Variants in DLG2 observed in about 807,000 individuals in gnomAD.
DLG2 encodes the protein discs large MAGUK scaffold protein 2, also known as disks large homolog 2.
DLG2 carries 45 observed loss-of-function variants against 132.5 expected under a neutral mutation model. The ratio of observed to expected loss-of-function variants is 0.34; its 90% confidence interval spans 0.27 to 0.44. DLG2 has a LOEUF of 0.44. Among genes scored for constraint, DLG2 ranks in the 20% least tolerant of loss-of-function variants. The pLI is 1.00. For missense variants in DLG2, 1,045 were observed against 1,196.9 expected (o/e 0.87, Z 1.87); for synonymous variants, 424 against 419.6 (o/e 1.01, Z -0.13).
chr11:84,184,398 C>A lies in DLG2; in HGVS notation c.574-20887G>T, dbSNP rs1015569706. Among the ~76,000 whole-genome samples, 9 of 151,810 alleles carry A rather than the reference C, an allele frequency of 5.9e-5. No individual in the cohort carries two copies. In the South Asian group the frequency reaches 8.3e-4, roughly 14 times the overall value. On this transcript the variant is annotated intron_variant, in intron 8 of 27. Transcript: ENST00000376104. ...TCTTTTGAGAAGTGTCTGTTCATAT[C>A]CTTCGCCCACTTTTTGATGAGTTTT... is the stretch of plus-strand genomic sequence containing the variant.
chr11:85,451,996 T>C (rs559304254), intron 3 of DLG2, among the ~76,000 whole-genome samples: 2 of 152,292 alleles, frequency 1.3e-5, no homozygotes, highest in African/African-American at 2.4e-5. Flanking sequence ...TATAATACTG[T>C]ATTTTCCAAT....
At chr11:85,355,170 A>G (rs926093010) in intron 3 of DLG2, among the ~76,000 whole-genome samples, 2 of 152,190 alleles carry the variant, frequency 1.3e-5, no homozygotes, top group African/African-American at 4.8e-5. Context: ...AAGATGATCA[A>G]TTGATCAGTT....
At chr11:83,877,524 T>A (rs1411703409) in intron 15 of DLG2, among the ~76,000 whole-genome samples, 1 of 152,166 alleles carries the variant, frequency 6.6e-6, no homozygotes, top group Non-Finnish European at 1.5e-5. Flanking sequence ...TATAACTAAT[T>A]ATTTTGTTAT....
At chr11:84,699,710 A>C (rs201043096) in intron 6 of DLG2, among the ~76,000 whole-genome samples, 1 of 151,672 alleles carries the variant, frequency 6.6e-6, no homozygotes, top group Admixed American at 6.6e-5. Flanking sequence ...TGGGCTGGGT[A>C]CTGACTCTGC....
At chr11:84,859,955 C>T (rs1365859422) in intron 6 of DLG2, among the ~76,000 whole-genome samples, 1 of 152,114 alleles carries the variant, frequency 6.6e-6, no homozygotes, top group East Asian at 1.9e-4. Flanking sequence ...ACAAAGCCTT[C>T]TGTATGCTTC....
chr11:85,102,499 T>A (rs2071039379), intron 6 of DLG2, among the ~76,000 whole-genome samples: 1 of 151,976 alleles, frequency 6.6e-6, no homozygotes, highest in Non-Finnish European at 1.5e-5. Context: ...GGCTTCTTAA[T>A]ATTCTCAATA....
intron 7 of DLG2, among the ~76,000 whole-genome samples, chr11:84,407,758 TA>T (rs1404396582): frequency 1.3e-5 from 2 of 152,156 alleles, no homozygotes; most frequent in Non-Finnish European, 2.9e-5. Flanking sequence ...ACTCAAAAGG[TA>T]AAGTGACTTT....
intron 10 of DLG2, among the ~76,000 whole-genome samples, chr11:84,092,326 A>C (rs1483220068): frequency 6.6e-6 from 1 of 152,212 alleles, no homozygotes; most frequent in Non-Finnish European, 1.5e-5. Context: ...ACAGAGTTGT[A>C]TTGCAGGCCT....
intron 7 of DLG2, among the ~76,000 whole-genome samples, chr11:84,379,757 G>A (rs1378217442): frequency 6.6e-6 from 1 of 150,704 alleles, no homozygotes; most frequent in Admixed American, 6.6e-5. Flanking sequence ...TTCAGTAATG[G>A]AAAATAGGAA....
Position 84,544,885 on chromosome 11 carries a change from A to G in DLG2, c.358-10154T>C, listed in dbSNP as rs903922692. On this transcript the variant is annotated intron_variant, in intron 6 of 27. Coordinates refer to ENST00000376104, the MANE Select transcript of DLG2 (RefSeq NM_001142699.3). ...CTAAAAGTGAATTTTTCACACAGCA[A>G]AAAGTCTTTGGTGGAATGCTCTTCA... Among the ~76,000 whole-genome samples, 14 of 152,212 alleles carry G rather than the reference A, an allele frequency of 9.2e-5. No individual in the cohort carries two copies. The South Asian group carries it at 2.9e-3, about 31-fold the overall frequency.
Position 83,980,561 on chromosome 11 carries a change from T to C in DLG2, c.1001A>G (p.Asp334Gly), listed in dbSNP as rs775904522. 68 of 1,613,742 alleles carry C rather than the reference T, an allele frequency of 4.2e-5. No individual in the cohort carries two copies. Among genetic ancestry groups the C allele is most frequent in the Non-Finnish European group, 5.9e-6 (7 of 1,179,852 alleles). The change falls in exon 12 of 28, where the codon GAT becomes GGT. Residue 334 changes from aspartate to glycine, a missense_variant. By Grantham distance (94) the Asp-to-Gly change is moderately conservative (BLOSUM62 -1). Around this residue, in one of 4 missense-constraint regions of DLG2, gnomAD observed 261 missense variants for 256.1 expected, o/e 1.02. Coordinates refer to ENST00000376104, the MANE Select transcript of DLG2 (RefSeq NM_001142699.3). ...TCCATCTTTTTGTGCAGCTCCTCCA[T>C]CTATAATTTTAGTTACATAAATGCT... ...DNSIYVTKIIDGGAAQKDGRL... is the reference protein window; with the variant it reads ...DNSIYVTKIIGGGAAQKDGRL...
chr11:84,656,942 A>C (rs1303161783), intron 6 of DLG2, among the ~76,000 whole-genome samples: 1 of 152,094 alleles, frequency 6.6e-6, no homozygotes. Context: ...GTTTGTAATA[A>C]TTGCTATTTA....
intron 7 of DLG2, among the ~76,000 whole-genome samples, chr11:84,281,190 C>T (rs2097851268): frequency 2.0e-5 from 3 of 152,030 alleles, no homozygotes; most frequent in Non-Finnish European, 2.9e-5. Context: ...AGATGTAAAA[C>T]CTAAATAAAG....
intron 3 of DLG2, among the ~76,000 whole-genome samples, chr11:85,439,541 A>C (rs945405339): frequency 9.9e-5 from 15 of 151,938 alleles, no homozygotes; most frequent in Admixed American, 7.9e-4. Context: ...TTGTATTTTT[A>C]GTAGAGACGG....
chr11:85,203,730 C>G (rs1228411338), intron 4 of DLG2, among the ~76,000 whole-genome samples: 1 of 152,010 alleles, frequency 6.6e-6, no homozygotes, highest in African/African-American at 2.4e-5. Context: ...GACAAGGACA[C>G]AGCACCTAAG....
rs2093258374 is a variant in DLG2, at chr11:83,985,976, TA to T, written c.920-5335del. Among the ~76,000 whole-genome samples the T allele has an allele frequency of 2.0e-5, 3 of 152,240 alleles. No homozygotes were observed. The South Asian group carries it at 6.2e-4, about 32-fold the overall frequency. ...CAAATTTATATTCCCATCAACAGTG[TA>T]AAAGCATTCCTTTTTCTCCACAACC... On this transcript the variant is annotated intron_variant, in intron 11 of 27. Transcript: ENST00000376104.
chr11:85,222,794 T>C lies in DLG2; in HGVS notation c.186+62426A>G, dbSNP rs747469157. Among the ~76,000 whole-genome samples the C allele has an allele frequency of 2.6e-4, 40 of 152,362 alleles. 1 individual carries two copies. Among genetic ancestry groups the C allele is most frequent in the Admixed American group, 7.2e-4 (11 of 15,306 alleles). On this transcript the variant is annotated intron_variant, in intron 4 of 27. Coordinates refer to ENST00000376104, the MANE Select transcript of DLG2 (RefSeq NM_001142699.3). The stretch of plus-strand genomic sequence containing the variant: ...GCTTTCATTGTACCACATTGCCTTC[T>C]GAGATTTTTTTTTCCCGGCTAGTCC...
At chr11:84,332,179 A>G (rs1041810197) in intron 7 of DLG2, among the ~76,000 whole-genome samples, 10 of 149,466 alleles carry the variant, frequency 6.7e-5, no homozygotes, top group African/African-American at 2.2e-4. Context: ...ACAACTTCCA[A>G]TTGAAGACAA....
intron 7 of DLG2, among the ~76,000 whole-genome samples, chr11:84,378,814 G>A (rs376949829): frequency 5.3e-5 from 8 of 150,178 alleles, no homozygotes; most frequent in South Asian, 2.1e-4. Context: ...GCGTGGTGGC[G>A]CACACTGGTA....
Sources: gnomAD v4.1 joint callset for allele counts (sites outside exome capture counted in the v4.1 genomes callset) on GRCh38, gnomAD v4.1.1 for gene constraint, gnomAD v4.1.1 regional missense constraint, MANE v1.5 for transcripts, NCBI Gene and HGNC (gene_info 2026-07-23, HGNC 2026-07-21) for gene names.